Variants in CFTR observed in about 807,000 individuals in gnomAD.
CFTR encodes the protein CF transmembrane conductance regulator.
A neutral mutation model predicts 171.6 loss-of-function variants in CFTR; 181 were observed. That is an observed-to-expected ratio of 1.05 (90% CI 0.93 to 1.19). The LOEUF is 1.19. Ranked by LOEUF, CFTR falls within the 50% of genes most tolerant of loss-of-function variation. The probability of loss-of-function intolerance (pLI) is 0.00; values close to 1 mark genes in which losing one functional copy is unlikely to be tolerated. For missense variants in CFTR, 1,968 were observed against 1,734.7 expected (o/e 1.13, Z -2.39); for synonymous variants, 583 against 608.0 (o/e 0.96, Z 0.60).
chr7:117,575,767 A>G (rs1489907639), intron 11 of CFTR, among the ~76,000 whole-genome samples: 1 of 151,892 alleles, frequency 6.6e-6, no homozygotes, highest in African/African-American at 2.4e-5. Flanking sequence ...CTCTCTCCTT[A>G]TTTCCTTTTA....
intron 9 of CFTR, among the ~76,000 whole-genome samples, chr7:117,545,240 G>A (rs1238566155): frequency 1.3e-5 from 2 of 152,126 alleles, no homozygotes; most frequent in Non-Finnish European, 2.9e-5. Context: ...AATAGGATGG[G>A]CAAGACCCTC....
At chr7:117,590,277 GT>G (rs1393582206) in intron 12 of CFTR, 75 bp from the exon 13 acceptor site, 7 of 1,553,316 alleles carry the variant, frequency 4.5e-6, no homozygotes, top group African/African-American at 1.4e-5. Flanking sequence ...GTAGTGAACT[GT>G]TTAAGGCAAA....
rs201958172 is a variant in CFTR at position 117,530,983 on chromosome 7, G to A, written c.358G>A (p.Ala120Thr). The A allele has an allele frequency of 6.4e-5, 104 of 1,613,522 alleles. 1 individual carries two copies. The highest frequency in any genetic ancestry group is 3.2e-4 in the South Asian group (29 of 91,062). ...GGATAACAAGGAGGAACGCTCTATC[G>A]CGATTTATCTAGGCATAGGCTTATG... The part of the protein sequence containing the change: ...DPDNKEERSI[A>T]IYLGIGLCLL... Residue 120 changes from alanine to threonine, a missense_variant, in exon 4 of 27, where the codon GCG becomes ACG. Ala to Thr is a moderately conservative substitution (Grantham distance 58). Coordinates refer to ENST00000003084, the MANE Select transcript of CFTR (RefSeq NM_000492.4).
chr7:117,488,615 A>AT (rs1371702723), intron 1 of CFTR, among the ~76,000 whole-genome samples: 3 of 151,990 alleles, frequency 2.0e-5, no homozygotes, highest in African/African-American at 4.8e-5. Flanking sequence ...GTTTTTCACA[A>AT]TTTTTTTAAA....
chr7:117,610,450 C>G lies in CFTR; in HGVS notation c.2989-69C>G, dbSNP rs558252660. 661 of 1,287,696 alleles carry G rather than the reference C, an allele frequency of 5.1e-4. 6 individuals carry two copies. The South Asian group carries it at 7.8e-3, about 15-fold the overall frequency. The allele number at this position is 1,287,696 out of a possible 1,614,324, so 79.8% of individuals were successfully genotyped here. On this transcript the variant is annotated intron_variant, in intron 18 of 26. Coordinates refer to ENST00000003084, the MANE Select transcript of CFTR (RefSeq NM_000492.4). ...CAAAAAAAAAAAAAGAAATAAATCA[C>G]TGACACACTTTGTCCACTTTGCAAT...
At chr7:117,606,473 G>A (rs1792301823) in intron 17 of CFTR, among the ~76,000 whole-genome samples, 1 of 152,132 alleles carries the variant, frequency 6.6e-6, no homozygotes, top group Non-Finnish European at 1.5e-5. Context: ...AGGTTTAAAA[G>A]TAAAAGACAA....
intron 19 of CFTR, 79 bp downstream of exon 19, chr7:117,610,748 TA>T (rs576934094): frequency 1.6e-4 from 245 of 1,503,798 alleles, no homozygotes; most frequent in South Asian, 1.6e-3. Context: ...TTAATCTACT[TA>T]AAAAAAATTC....
chr7:117,484,391 C>T (rs1445996459), intron 1 of CFTR, among the ~76,000 whole-genome samples: 3 of 152,188 alleles, frequency 2.0e-5, no homozygotes, highest in Admixed American at 1.3e-4. Context: ...GAGGACAGCC[C>T]AGGGTTTCCA....
At chr7:117,559,287 T>C (rs906874344) in intron 10 of CFTR, among the ~76,000 whole-genome samples, 177 bp from the exon 11 acceptor site, 4 of 152,196 alleles carry the variant, frequency 2.6e-5, no homozygotes, top group African/African-American at 9.7e-5. Context: ...TTCCCTTGTA[T>C]CTTTTGTGCA....
At chr7:117,658,898 C>T (rs528590986) in intron 24 of CFTR, among the ~76,000 whole-genome samples, 3 of 152,280 alleles carry the variant, frequency 2.0e-5, no homozygotes, top group South Asian at 4.1e-4. Context: ...TCTTTCCAAA[C>T]CCCACATCTG....
intron 9 of CFTR, 68 bp downstream of exon 9, chr7:117,542,176 C>A: frequency 1.3e-6 from 1 of 791,930 alleles, no homozygotes; most frequent in East Asian, 2.5e-5. Context: ...ATATGGATTT[C>A]ATCCTAATGG....
intron 15 of CFTR, among the ~76,000 whole-genome samples, chr7:117,600,305 A>AGAACCCCTGCTTGGCAGTGCATCATTGAC (rs1792203127): frequency 6.6e-6 from 1 of 152,104 alleles, no homozygotes; most frequent in African/African-American, 2.4e-5. Flanking sequence ...GTTAATTCTT[A>AGAACCCCTGCTTGGCAGTGCATCATTGAC]GAACCCCTGC....
At chr7:117,494,054 C>A (rs1281608181) in intron 1 of CFTR, among the ~76,000 whole-genome samples, 1 of 152,106 alleles carries the variant, frequency 6.6e-6, no homozygotes, top group Non-Finnish European at 1.5e-5. Context: ...ATCCTAGAGA[C>A]CAACTTTATC....
chr7:117,513,889 C>T (rs1295800342), intron 3 of CFTR, among the ~76,000 whole-genome samples: 1 of 152,196 alleles, frequency 6.6e-6, no homozygotes, highest in Non-Finnish European at 1.5e-5. Flanking sequence ...CCATCTCTAA[C>T]ACAGATGCAC....
At chr7:117,539,548 G>A (rs1042359718) in intron 7 of CFTR, among the ~76,000 whole-genome samples, 2 of 151,800 alleles carry the variant, frequency 1.3e-5, no homozygotes, top group African/African-American at 2.4e-5. Context: ...ACATGCTAAG[G>A]CTTAAGAACC....
At chr7:117,499,201 T>A (rs1798282778) in intron 1 of CFTR, among the ~76,000 whole-genome samples, 1 of 152,112 alleles carries the variant, frequency 6.6e-6, no homozygotes, top group Admixed American at 6.6e-5. Flanking sequence ...ATCTGAAGTT[T>A]TGGCAGATGA....
At chr7:117,649,278 A>ATGTG (rs375570103) in intron 23 of CFTR, among the ~76,000 whole-genome samples, 17 of 137,370 alleles carry the variant, frequency 1.2e-4, no homozygotes, top group Non-Finnish European at 2.1e-4. Flanking sequence ...TATACATGGG[A>ATGTG]TGTGTGTGTG....
chr7:117,564,514 A>G (rs954161724), intron 11 of CFTR: 1 of 158,950 alleles, frequency 6.3e-6, no homozygotes, highest in East Asian at 1.9e-4. Context: ...TGAAATACCT[A>G]CAGAATCCTT....
Position 117,627,030 on chromosome 7 carries a change from A to G in CFTR, c.3469-492A>G, listed in dbSNP as rs186681774. On this transcript the variant is annotated intron_variant, in intron 21 of 26. Coordinates refer to ENST00000003084, the MANE Select transcript of CFTR (RefSeq NM_000492.4). ...CAATGACTTAAATTGTTTAAAGATT[A>G]TAGCAAAGTTGTTTAAAATTGTCTA... 2.2e-3 allele frequency among the ~76,000 whole-genome samples: 328 copies of G among 152,260 alleles called. 1 individual carries two copies. Among genetic ancestry groups the G allele is most frequent in the Non-Finnish European group, 2.1e-3 (140 of 67,994 alleles).
Sources: allele counts gnomAD v4.1 joint callset (sites outside exome capture counted in the v4.1 genomes callset), GRCh38; gene constraint gnomAD v4.1.1; transcripts MANE v1.5; gene names NCBI Gene and HGNC (gene_info 2026-07-23, HGNC 2026-07-21).